Variants in ARL15 observed in about 807,000 individuals in gnomAD.
ARL15 encodes the protein ADP-ribosylation factor-like protein 15.
In ARL15, 19 loss-of-function variants were observed where a neutral mutation model predicts 25.2. The observed-to-expected ratio is 0.75, with a 90% CI of 0.53 to 1.10. The LOEUF is 1.10. ARL15 is among the 50% of genes least tolerant of loss of function. ARL15 has a pLI of 0.00. For synonymous variants in ARL15, 94 were observed against 86.8 expected, an observed-to-expected ratio of 1.08 and a Z score of -0.46; for missense variants, 220 against 246.0, an observed-to-expected ratio of 0.89 and a Z score of 0.71.
At chr5:53,973,359 A>G (rs1488047082) in intron 4 of ARL15, among the ~76,000 whole-genome samples, 2 of 152,128 alleles carry the variant, frequency 1.3e-5, no homozygotes, top group Non-Finnish European at 2.9e-5. Flanking sequence ...GGATCACCTG[A>G]GGTCAGAAGT....
At chr5:54,230,607 C>G (rs988099566) in intron 1 of ARL15, among the ~76,000 whole-genome samples, 1 of 152,052 alleles carries the variant, frequency 6.6e-6, no homozygotes, top group African/African-American at 2.4e-5. Context: ...GATCACTTTC[C>G]CAGCCAGCTG....
chr5:54,232,097 G>A (rs763311214), intron 1 of ARL15, among the ~76,000 whole-genome samples: 2 of 152,076 alleles, frequency 1.3e-5, no homozygotes, highest in African/African-American at 2.4e-5. Context: ...TATACCTTTT[G>A]CTTAACTAAC....
At chr5:53,980,483 C>G (rs1041090148) in intron 4 of ARL15, among the ~76,000 whole-genome samples, 9 of 152,262 alleles carry the variant, frequency 5.9e-5, no homozygotes, top group Non-Finnish European at 1.2e-4. Context: ...TAAACTATAC[C>G]TACCCAGAAT....
intron 4 of ARL15, among the ~76,000 whole-genome samples, chr5:54,019,679 AATGTGAATATT>A (rs1321611840): frequency 6.6e-6 from 1 of 152,228 alleles, no homozygotes; most frequent in East Asian, 1.9e-4. Context: ...TTGAAAAGGA[AATGTGAATATT>A]ATGACATTCT....
chr5:54,283,469 G>A (rs546380728), intron 1 of ARL15, among the ~76,000 whole-genome samples: 1 of 152,220 alleles, frequency 6.6e-6, no homozygotes, highest in Non-Finnish European at 1.5e-5. Context: ...AAAACAAATG[G>A]CTGATAATTT....
At chr5:54,096,621 G>C (rs1752295231) in intron 4 of ARL15, among the ~76,000 whole-genome samples, 2 of 152,110 alleles carry the variant, frequency 1.3e-5, no homozygotes, top group Non-Finnish European at 2.9e-5. Context: ...ATGTTGGCCA[G>C]GTTGGTCTCA....
At chr5:54,289,438 A>T (rs1273520138) in intron 1 of ARL15, among the ~76,000 whole-genome samples, 1 of 152,150 alleles carries the variant, frequency 6.6e-6, no homozygotes, top group Non-Finnish European at 1.5e-5. Flanking sequence ...AGACGTGGTC[A>T]TTCTAACAAT....
chr5:54,245,960 C>T (rs930765476), intron 1 of ARL15, among the ~76,000 whole-genome samples: 2 of 152,136 alleles, frequency 1.3e-5, no homozygotes, highest in African/African-American at 4.8e-5. Context: ...ATCCAATTCA[C>T]AGGGTAATTA....
At chr5:53,946,001 T>G (rs1414652132) in intron 4 of ARL15, among the ~76,000 whole-genome samples, 1 of 152,208 alleles carries the variant, frequency 6.6e-6, no homozygotes, top group African/African-American at 2.4e-5. Context: ...GACCCTGATA[T>G]TCCACCCTTT....
chr5:54,013,972 T>C (rs1349427832), intron 4 of ARL15, among the ~76,000 whole-genome samples: 1 of 152,190 alleles, frequency 6.6e-6, no homozygotes, highest in Non-Finnish European at 1.5e-5. Flanking sequence ...AATGCAATAA[T>C]GCTGTCTCAG....
chr5:54,087,333 A>G (rs1388129016), intron 4 of ARL15, among the ~76,000 whole-genome samples: 1 of 152,152 alleles, frequency 6.6e-6, no homozygotes, highest in Non-Finnish European at 1.5e-5. Flanking sequence ...ATCTCAAAAA[A>G]AAAAGAGAGA....
At chr5:53,937,205 C>A (rs1386629521) in intron 4 of ARL15, among the ~76,000 whole-genome samples, 1 of 152,074 alleles carries the variant, frequency 6.6e-6, no homozygotes, top group Admixed American at 6.5e-5. Flanking sequence ...CATTCCTAAC[C>A]ACAGATATCC....
chr5:54,271,412 T>C (rs1415051892), intron 1 of ARL15, among the ~76,000 whole-genome samples: 1 of 152,194 alleles, frequency 6.6e-6, no homozygotes, highest in Non-Finnish European at 1.5e-5. Context: ...TCCTACATAC[T>C]TTAAATCATC....
At chr5:54,207,025 C>T (rs575490351) in intron 1 of ARL15, among the ~76,000 whole-genome samples, 59 of 152,346 alleles carry the variant, frequency 3.9e-4, no homozygotes, top group African/African-American at 9.1e-4. Context: ...CACGCCCATG[C>T]GTGAGATGCT....
chr5:54,271,055 A>C (rs974559635), intron 1 of ARL15, among the ~76,000 whole-genome samples: 7 of 152,184 alleles, frequency 4.6e-5, no homozygotes, highest in Non-Finnish European at 8.8e-5. Context: ...TTGGACTCCA[A>C]GGTTTACATC....
intron 4 of ARL15, among the ~76,000 whole-genome samples, chr5:54,006,657 T>C (rs542128161): frequency 3.7e-4 from 57 of 152,224 alleles, no homozygotes; most frequent in Non-Finnish European, 6.6e-4. Flanking sequence ...TCCTTTCATT[T>C]ATTTGTTCTA....
chr5:54,010,550 T>C (rs888893747), intron 4 of ARL15, among the ~76,000 whole-genome samples: 1 of 152,126 alleles, frequency 6.6e-6, no homozygotes, highest in Admixed American at 6.5e-5. Context: ...CAGACTTGGC[T>C]CTGAATAACC....
chr5:54,203,276 CAA>C (rs1755772528), intron 1 of ARL15, among the ~76,000 whole-genome samples: 2 of 152,118 alleles, frequency 1.3e-5, no homozygotes, highest in Non-Finnish European at 2.9e-5. Context: ...TAATCAGATA[CAA>C]AGAGTTTTAA....
chr5:54,204,996 A>C (rs1402691626), intron 1 of ARL15, among the ~76,000 whole-genome samples: 1 of 143,214 alleles, frequency 7.0e-6, no homozygotes, highest in Admixed American at 7.3e-5. Context: ...GTGCAGTGGC[A>C]CAATCTTGGC....
Sources: gnomAD v4.1 joint callset for allele counts (sites outside exome capture counted in the v4.1 genomes callset) on GRCh38, gnomAD v4.1.1 for gene constraint, MANE v1.5 for transcripts, NCBI Gene and HGNC (gene_info 2026-07-23, HGNC 2026-07-21) for gene names.